The following CCDC22 variants were observed in gnomAD, a reference collection of about 807,000 sequenced individuals.
CCDC22 encodes coiled-coil domain-containing protein 22.
Under a neutral mutation model 53.1 loss-of-function variants are expected in CCDC22, and 4 were observed. That is an observed-to-expected ratio of 0.08 (90% CI 0.04 to 0.17). CCDC22 has a LOEUF of 0.17. CCDC22 is among the 10% of genes least tolerant of loss of function. The probability of loss-of-function intolerance (pLI) is 1.00; values close to 1 mark genes in which losing one functional copy is unlikely to be tolerated. For missense variants in CCDC22, 458 were observed against 554.0 expected (o/e 0.83, Z 1.74); for synonymous variants, 222 against 224.4 (o/e 0.99, Z 0.10).
chrX:49,243,598 C>A, intron 6 of CCDC22, 136 bp downstream of exon 6: 1 of 500,047 alleles, frequency 2.0e-6, no homozygotes, highest in Non-Finnish European at 3.2e-6. Context: ...AGCTCCCCAC[C>A]TGAAAGAACA....
chrX:49,246,130 G>T (rs1036227825), intron 6 of CCDC22, among the ~76,000 whole-genome samples: 1 of 110,768 alleles, frequency 9.0e-6, no homozygotes, highest in Non-Finnish European at 1.9e-5. Context: ...AATTACAGGA[G>T]CACACTAAGT....
chrX:49,238,080 T>C (rs1448129579), intron 2 of CCDC22, among the ~76,000 whole-genome samples: 1 of 101,582 alleles, frequency 9.8e-6, no homozygotes, highest in Non-Finnish European at 2.0e-5. Flanking sequence ...TTTTTCTTTT[T>C]TTTTTTTTTT....
intron 3 of CCDC22, 28 bp downstream of exon 3, chrX:49,242,176 G>T: frequency 8.3e-7 from 1 of 1,209,522 alleles, no homozygotes; most frequent in Non-Finnish European, 1.1e-6. Flanking sequence ...TGTGGGCGGG[G>T]GCGGTGAGGG....
Position 49,248,639 on chromosome X carries a change from T to G in CCDC22, c.1336T>G (p.Ser446Ala). 1.7e-6 allele frequency: 2 copies of G among 1,209,472 alleles called. No homozygotes were observed. Among genetic ancestry groups the G allele is most frequent in the Non-Finnish European group, 2.2e-6 (2 of 894,623 alleles). ...GCCTGTGGGCTCATGGCAGCTGGAA[T>G]CTTCTCGACGGCTGGCAGAGATCCA... Reference protein sequence around the residue: ...RKLQDCRELESSRRLAEIQEL... With the variant: ...RKLQDCRELEASRRLAEIQEL... The change falls in exon 12 of 17, where the codon TCT becomes GCT. Residue 446 changes from serine to alanine, a missense_variant. Coordinates refer to ENST00000376227, the MANE Select transcript of CCDC22 (RefSeq NM_014008.5).
At chrX:49,247,824 G>A in intron 9 of CCDC22, 56 bp downstream of exon 9, 2 of 1,187,270 alleles carry the variant, frequency 1.7e-6, no homozygotes. Flanking sequence ...GGGCCTCGGG[G>A]TGTGAGGGAC....
At chrX:49,247,454 G>A (rs1557114394) in intron 7 of CCDC22, 42 bp from the exon 8 acceptor site, 2 of 1,145,086 alleles carry the variant, frequency 1.7e-6, no homozygotes, top group Non-Finnish European at 1.2e-6. Context: ...GTGAGGAAGG[G>A]CCTTCCCTGG....
chrX:49,237,709 A>T (rs1391360018), intron 2 of CCDC22, among the ~76,000 whole-genome samples: 1 of 108,518 alleles, frequency 9.2e-6, no homozygotes, highest in Non-Finnish European at 1.9e-5. Flanking sequence ...ATACTCCTAA[A>T]CTAATCACTC....
In CCDC22 at chrX:49,248,674, C is replaced by T. The variant is rs782129213; in HGVS notation, c.1371C>T (p.His457=). 55 of 1,210,687 alleles carry T rather than the reference C, an allele frequency of 4.5e-5. No individual in the cohort carries two copies. The highest frequency in any genetic ancestry group is 6.1e-5 in the Non-Finnish European group (55 of 895,161). ...SRRLAEIQEL[H]QSVRAAAEEA... is the part of the protein sequence containing the mutation. Reference sequence around the variant, plus strand: ...GGCTGGCAGAGATCCAAGAACTGCACCAGAGTGTCCGGGCGGCTGCTGAAG... The same window carrying T: ...GGCTGGCAGAGATCCAAGAACTGCATCAGAGTGTCCGGGCGGCTGCTGAAG... Residue 457 remains histidine, a synonymous_variant, in exon 12 of 17, where the codon CAC becomes CAT. Transcript: ENST00000376227.
chrX:49,250,433 G>C lies in CCDC22; in HGVS notation c.*172G>C, dbSNP rs1557115272. On this transcript the variant is annotated 3_prime_UTR_variant, in exon 17 of 17. Coordinates refer to ENST00000376227, the MANE Select transcript of CCDC22 (RefSeq NM_014008.5). ...AACCCTTATATGGGGTGATAGTCCA[G>C]CATGTGGGGAGCTCGGCTGCAGTTT... The C allele has an allele frequency of 2.0e-6, 1 of 509,185 alleles. No individual in the cohort carries two copies. The highest frequency in any genetic ancestry group is 2.6e-5 in the Admixed American group (1 of 37,765). 42.0% of individuals were successfully genotyped at this position (509,185 alleles called of 1,213,427 possible). A position where few individuals can be genotyped will look rare whatever the true frequency, so the allele number is the denominator to read the frequency against.
Position 49,244,463 on chromosome X carries a change from T to C in CCDC22, c.714+1001T>C, listed in dbSNP as rs868973253. On this transcript the variant is annotated intron_variant, in intron 6 of 16. Coordinates refer to ENST00000376227, the MANE Select transcript of CCDC22 (RefSeq NM_014008.5). Reference sequence around the variant, plus strand: ...TCCTCTCTGTCCACCTCTGTATCTGTTGCCCCTTCCCTCTGTCCCCTTATC... The same window carrying C: ...TCCTCTCTGTCCACCTCTGTATCTGCTGCCCCTTCCCTCTGTCCCCTTATC... Among the ~76,000 whole-genome samples, 13 of 111,048 alleles carry C rather than the reference T, an allele frequency of 1.2e-4. No homozygotes were observed. In the Middle Eastern group the frequency reaches 0.032, roughly 277 times the overall value.
intron 2 of CCDC22, among the ~76,000 whole-genome samples, chrX:49,240,532 C>T (rs894036441): frequency 4.5e-5 from 5 of 111,670 alleles, no homozygotes; most frequent in Admixed American, 9.5e-5. Flanking sequence ...CCAGCCTGAG[C>T]GACAGAGCAA....
chrX:49,235,705 C>T lies in CCDC22; in HGVS notation c.50+19C>T. 1 of 1,168,405 alleles carries T rather than the reference C, an allele frequency of 8.6e-7. No individual in the cohort carries two copies. The highest frequency in any genetic ancestry group is 1.1e-6 in the Non-Finnish European group (1 of 869,576). ...CCGGCACGTAAGGACAGAGCCCCCG[C>T]CCACCCCCGAAGCCCACATCCGGGA... On this transcript the variant is annotated intron_variant, in intron 1 of 16. Transcript: ENST00000376227.
chrX:49,236,280 TCA>T (rs1557112715), intron 1 of CCDC22, among the ~76,000 whole-genome samples: 1 of 107,997 alleles, frequency 9.3e-6, no homozygotes, highest in African/African-American at 3.4e-5. Flanking sequence ...TGATCTCAGC[TCA>T]CTGCAGCCTC....
chrX:49,246,860 G>A lies in CCDC22; in HGVS notation c.844G>A (p.Gly282Arg), dbSNP rs1010309547. The change falls in exon 7 of 17, where the codon GGG becomes AGG. Residue 282 changes from glycine (G) to arginine (R), a missense_variant. Around this residue, in one of 4 missense-constraint regions of CCDC22, gnomAD observed 309 missense variants for 312.3 expected, o/e 0.99. Coordinates refer to ENST00000376227, the MANE Select transcript of CCDC22 (RefSeq NM_014008.5). ...AGAACTGCTGCAGGCCTGGGGTGCTGGGGCCAAGACTGGTGCTCCTAAGGG... is the reference window on the plus strand; with the variant it reads ...AGAACTGCTGCAGGCCTGGGGTGCTAGGGCCAAGACTGGTGCTCCTAAGGG... ...LGELLQAWGA[G>R]AKTGAPKGSR... 3.3e-6 allele frequency: 4 copies of A among 1,202,291 alleles called. No individual in the cohort carries two copies. In the South Asian group the frequency reaches 7.2e-5, roughly 22 times the overall value.
chrX:49,246,541 G>C (rs1449209507), intron 6 of CCDC22, among the ~76,000 whole-genome samples, 190 bp from the exon 7 acceptor site: 1 of 112,119 alleles, frequency 8.9e-6, no homozygotes, highest in Admixed American at 9.4e-5. Flanking sequence ...AGCAAGAGGA[G>C]ACCCCTGTCC....
At chrX:49,246,013 T>C (rs2065988148) in intron 6 of CCDC22, among the ~76,000 whole-genome samples, 1 of 108,216 alleles carries the variant, frequency 9.2e-6, no homozygotes, top group African/African-American at 3.4e-5. Flanking sequence ...TGAGACGGAG[T>C]CTCTCTCTGT....
chrX:49,248,898 C>G lies in CCDC22; in HGVS notation c.1513C>G (p.Arg505Gly), dbSNP rs782471588. Residue 505 changes from arginine (R) to glycine (G), a missense_variant, in exon 13 of 17, where the codon CGG becomes GGG. Coordinates refer to ENST00000376227, the MANE Select transcript of CCDC22 (RefSeq NM_014008.5). ...CATCCTGGAGATCGTGGGCAACATC[C>G]GGAAGCAGAAGGAAGAGATCACCAA... ...QRILEIVGNI[R>G]KQKEEITKIL... 8.3e-7 allele frequency: 1 copy of G among 1,210,375 alleles called. No homozygotes were observed. Among genetic ancestry groups the G allele is most frequent in the Non-Finnish European group, 1.1e-6 (1 of 895,074 alleles).
At chrX:49,242,563 G>A (rs1046856820) in intron 3 of CCDC22, among the ~76,000 whole-genome samples, 14 of 111,124 alleles carry the variant, frequency 1.3e-4, no homozygotes, top group African/African-American at 2.6e-4. Context: ...CCTCCTCTCC[G>A]CAGCCCTCTC....
chrX:49,244,896 C>T (rs1174488184), intron 6 of CCDC22, among the ~76,000 whole-genome samples: 1 of 110,783 alleles, frequency 9.0e-6, no homozygotes, highest in Non-Finnish European at 1.9e-5. Context: ...CTCTTCTTCT[C>T]TATCCATCTC....
Sources: gnomAD v4.1 joint callset for allele counts (sites outside exome capture counted in the v4.1 genomes callset) on GRCh38, gnomAD v4.1.1 for gene constraint, gnomAD v4.1.1 regional missense constraint, MANE v1.5 for transcripts, NCBI Gene and HGNC (gene_info 2026-07-23, HGNC 2026-07-21) for gene names.